The following EPHA5 variants were observed in gnomAD, a reference collection of about 807,000 sequenced individuals.
EPHA5 encodes the protein EPH receptor A5, also known as ephrin type-A receptor 5.
A neutral mutation model predicts 105.0 loss-of-function variants in EPHA5; 60 were observed. The ratio of observed to expected loss-of-function variants is 0.57; its 90% CI spans 0.46 to 0.71. The LOEUF is 0.71. Ranked by LOEUF, EPHA5 falls within the 30% of genes least tolerant of loss-of-function variation. The pLI is 0.00. For synonymous variants in EPHA5, 513 were observed against 449.1 expected, an observed-to-expected ratio of 1.14 and a Z score of -1.80; for missense variants, 1,218 against 1,274.7, an observed-to-expected ratio of 0.96 and a Z score of 0.68.
intron 3 of EPHA5, among the ~76,000 whole-genome samples, chr4:65,601,149 T>G (rs1252860647): frequency 6.6e-6 from 1 of 152,176 alleles, no homozygotes; most frequent in Admixed American, 6.6e-5. Flanking sequence ...AGTTTACAAA[T>G]GTTTTGCTAT....
intron 2 of EPHA5, among the ~76,000 whole-genome samples, chr4:65,636,935 C>T (rs1472768226): frequency 6.6e-6 from 1 of 151,932 alleles, no homozygotes; most frequent in Non-Finnish European, 1.5e-5. Context: ...ACACTAGGAG[C>T]CTGATAAATA....
At chr4:65,379,595 C>G (rs1010834419) in intron 8 of EPHA5, among the ~76,000 whole-genome samples, 11 of 151,676 alleles carry the variant, frequency 7.3e-5, no homozygotes, top group African/African-American at 2.7e-4. Context: ...TGATCAGTGT[C>G]TGGCATATCA....
At chr4:65,462,860 T>C (rs1042987409) in intron 5 of EPHA5, among the ~76,000 whole-genome samples, 5 of 152,174 alleles carry the variant, frequency 3.3e-5, no homozygotes, top group African/African-American at 1.2e-4. Flanking sequence ...GCCATATTTT[T>C]ATACCCTACT....
rs1553896810 is a variant in EPHA5 at position 65,348,793 on chromosome 4, G to GTATATATA, written c.2446-598_2446-591dup. Among the ~76,000 whole-genome samples the GTATATATA allele has an allele frequency of 2.1e-4, 9 of 42,850 alleles. 1 individual carries two copies. The highest frequency in any genetic ancestry group is 9.2e-4 in the African/African-American group (9 of 9,764). The allele number at this position is 42,850 out of a possible 152,430, so 28.1% of individuals were successfully genotyped here. On this transcript the variant is annotated intron_variant, in intron 13 of 16. Transcript: ENST00000613740. Reference sequence around the variant, plus strand: ...TATGTGTGTGCATGTGTGTGTGTGTGTATATATATATATATATATATATTT... The same window carrying GTATATATA: ...TATGTGTGTGCATGTGTGTGTGTGTGTATATATATATATATATATATATATATATATTT...
At chr4:65,419,212 A>G (rs2149033264) in intron 6 of EPHA5, among the ~76,000 whole-genome samples, 1 of 152,122 alleles carries the variant, frequency 6.6e-6, no homozygotes. Flanking sequence ...GCATGTATAT[A>G]TGTATATATA....
At chr4:65,557,769 G>A (rs761294771) in intron 3 of EPHA5, among the ~76,000 whole-genome samples, 1 of 152,106 alleles carries the variant, frequency 6.6e-6, no homozygotes, top group Non-Finnish European at 1.5e-5. Flanking sequence ...AAGGGAAGGA[G>A]CTGTAAAGGG....
chr4:65,562,880 G>A (rs1435704448), intron 3 of EPHA5, among the ~76,000 whole-genome samples: 2 of 151,982 alleles, frequency 1.3e-5, no homozygotes, highest in South Asian at 2.1e-4. Flanking sequence ...GGTAAACTGA[G>A]GCGGGAGGAT....
intron 6 of EPHA5, among the ~76,000 whole-genome samples, chr4:65,418,207 G>A (rs1034827082): frequency 3.3e-5 from 5 of 152,118 alleles, no homozygotes; most frequent in Non-Finnish European, 5.9e-5. Context: ...AATTCAGCAT[G>A]TGTTAATATA....
At chr4:65,645,141 T>C (rs940598551) in intron 1 of EPHA5, among the ~76,000 whole-genome samples, 1 of 152,126 alleles carries the variant, frequency 6.6e-6, no homozygotes, top group Non-Finnish European at 1.5e-5. Context: ...ATCCATACTC[T>C]TCTTTTTACT....
intron 3 of EPHA5, among the ~76,000 whole-genome samples, chr4:65,531,933 T>C (rs1203867866): frequency 1.3e-5 from 2 of 152,332 alleles, no homozygotes; most frequent in East Asian, 1.9e-4. Flanking sequence ...CTCAAAAGAC[T>C]GTTGTATTAA....
chr4:65,631,275 CA>C (rs1318952943), intron 2 of EPHA5, among the ~76,000 whole-genome samples: 1 of 152,010 alleles, frequency 6.6e-6, no homozygotes, highest in Non-Finnish European at 1.5e-5. Context: ...TTGTTCATAT[CA>C]GTGAAAAACA....
chr4:65,366,201 G>T, intron 9 of EPHA5, 144 bp from the exon 10 acceptor site: 1 of 669,600 alleles, frequency 1.5e-6, no homozygotes, highest in Non-Finnish European at 2.4e-6. Context: ...CTGAGTTACA[G>T]TTGTTTGTAC....
At chr4:65,421,334 T>C (rs1458761026) in intron 5 of EPHA5, among the ~76,000 whole-genome samples, 3 of 152,144 alleles carry the variant, frequency 2.0e-5, no homozygotes, top group African/African-American at 4.8e-5. Context: ...ATAGATAACA[T>C]GTCTAAAAGA....
Position 65,438,152 on chromosome 4 carries a change from T to A in EPHA5, c.1403-17587A>T, listed in dbSNP as rs116121080. On this transcript the variant is annotated intron_variant, in intron 5 of 16. Coordinates refer to ENST00000613740, the MANE Select transcript of EPHA5 (RefSeq NM_001281766.3). ...GTAAACAAGAACAAGGTCCATACTT[T>A]CTTGACATTTGCATTTAAAATGCTA... Among the ~76,000 whole-genome samples the A allele has an allele frequency of 2.3e-3, 349 of 152,092 alleles. 2 individuals are homozygous for A. Among genetic ancestry groups the A allele is most frequent in the African/African-American group, 7.9e-3 (330 of 41,556 alleles).
chr4:65,548,770 A>G (rs1737622679), intron 3 of EPHA5, among the ~76,000 whole-genome samples: 2 of 152,134 alleles, frequency 1.3e-5, no homozygotes, highest in Admixed American at 1.3e-4. Flanking sequence ...TGTCTGCCTC[A>G]GTATAACAAA....
intron 3 of EPHA5, among the ~76,000 whole-genome samples, chr4:65,589,290 T>G (rs1742413972): frequency 6.6e-6 from 1 of 152,244 alleles, no homozygotes; most frequent in East Asian, 1.9e-4. Flanking sequence ...ATTCTTATTC[T>G]GAATTTAAAT....
intron 3 of EPHA5, among the ~76,000 whole-genome samples, chr4:65,518,550 C>A (rs923814909): frequency 1.3e-5 from 2 of 151,956 alleles, no homozygotes; most frequent in Non-Finnish European, 2.9e-5. Flanking sequence ...ATTGACTGAA[C>A]AATCTCTGGA....
At chr4:65,411,548 TTC>T (rs1419985582) in intron 7 of EPHA5, among the ~76,000 whole-genome samples, 1 of 152,160 alleles carries the variant, frequency 6.6e-6, no homozygotes, top group Non-Finnish European at 1.5e-5. Flanking sequence ...AAATCAATTT[TTC>T]TTAGTACAGA....
intron 2 of EPHA5, among the ~76,000 whole-genome samples, chr4:65,628,245 A>AT (rs1413090424): frequency 6.6e-6 from 1 of 152,116 alleles, no homozygotes; most frequent in Non-Finnish European, 1.5e-5. Flanking sequence ...GGGAGTCTTC[A>AT]TTTTAACATT....
Sources: allele counts gnomAD v4.1 joint callset (sites outside exome capture counted in the v4.1 genomes callset), GRCh38; gene constraint gnomAD v4.1.1; transcripts MANE v1.5; gene names NCBI Gene and HGNC (gene_info 2026-07-23, HGNC 2026-07-21).